Variants in ZNF292 observed in about 807,000 individuals in gnomAD.
ZNF292 encodes the protein 16 zinc-finger domain protein.
A neutral mutation model predicts 217.9 loss-of-function variants in ZNF292; 26 were observed. The ratio of observed to expected loss-of-function variants is 0.12; its 90% CI spans 0.09 to 0.17. ZNF292 has a LOEUF of 0.17. ZNF292 is among the 10% of genes least tolerant of loss of function. ZNF292 has a pLI of 1.00. For synonymous variants in ZNF292, 1,257 were observed against 1,124.1 expected, an observed-to-expected ratio of 1.12 and a Z score of -2.37; for missense variants, 2,904 against 3,175.2, an observed-to-expected ratio of 0.91 and a Z score of 2.05.
intron 7 of ZNF292, among the ~76,000 whole-genome samples, chr6:87,248,729 A>G (rs1319978459): frequency 3.3e-5 from 5 of 152,282 alleles, no homozygotes; most frequent in African/African-American, 1.2e-4. Flanking sequence ...CAAACTGGCT[A>G]TAAATCTTGA....
intron 1 of ZNF292, among the ~76,000 whole-genome samples, chr6:87,179,703 A>G (rs1179520357): frequency 6.6e-6 from 1 of 152,180 alleles, no homozygotes; most frequent in Non-Finnish European, 1.5e-5. Flanking sequence ...AATTTAATAT[A>G]CTTTTTTTCC....
At chr6:87,191,909 C>G (rs568927676) in intron 1 of ZNF292, among the ~76,000 whole-genome samples, 9 of 152,212 alleles carry the variant, frequency 5.9e-5, no homozygotes, top group African/African-American at 1.2e-4. Flanking sequence ...TGATCCACCC[C>G]CCTTGGCCTC....
In ZNF292 at chr6:87,255,882, C is replaced by A. The variant is rs984860692; in HGVS notation, c.2253C>A (p.Ile751=). Residue 751 remains isoleucine, a synonymous_variant, in exon 8 of 8, where the codon ATC becomes ATA. Transcript: ENST00000369577. The part of the protein sequence containing the change: ...LQMHCGSKPY[I]CIQMKCKAGF... Reference sequence around the variant, plus strand: ...TGCACTGTGGCAGTAAACCATATATCTGTATACAGATGAAATGTAAAGCTG... The same window carrying A: ...TGCACTGTGGCAGTAAACCATATATATGTATACAGATGAAATGTAAAGCTG... 6.2e-7 allele frequency: 1 copy of A among 1,613,788 alleles called. No individual in the cohort carries two copies. Among genetic ancestry groups the A allele is most frequent in the South Asian group, 1.1e-5 (1 of 91,066 alleles).
intron 4 of ZNF292, among the ~76,000 whole-genome samples, chr6:87,219,201 G>C (rs1582440931): frequency 6.6e-6 from 1 of 151,924 alleles, no homozygotes; most frequent in East Asian, 1.9e-4. Context: ...AGCTCAGCCT[G>C]GTATCCTATT....
intron 1 of ZNF292, among the ~76,000 whole-genome samples, chr6:87,206,635 A>G (rs1375040102): frequency 6.6e-6 from 1 of 152,150 alleles, no homozygotes; most frequent in East Asian, 1.9e-4. Context: ...ATATATTTAA[A>G]TTTCTCCATT....
intron 1 of ZNF292, among the ~76,000 whole-genome samples, chr6:87,160,063 T>C (rs1037845113): frequency 6.6e-6 from 1 of 152,222 alleles, no homozygotes; most frequent in East Asian, 1.9e-4. Flanking sequence ...ATTCAACATT[T>C]CTATTGAACA....
chr6:87,259,487 C>T lies in ZNF292; in HGVS notation c.5858C>T (p.Thr1953Ile), dbSNP rs2127870701. 1 of 1,589,122 alleles carries T rather than the reference C, an allele frequency of 6.3e-7. No individual in the cohort carries two copies. ...KFAPFKCVVP[T>I]CTKTFTRNSN... ...GCTCCCTTTAAATGTGTAGTACCTA[C>T]ATGTACAAAAACATTTACAAGAAAT... is the stretch of plus-strand genomic sequence containing the variant. The change falls in exon 8 of 8, where the codon ACA (threonine) becomes ATA (isoleucine). Residue 1953 changes from threonine to isoleucine, a missense_variant. This residue lies in a region of ZNF292 where 50 missense variants were observed against 90.5 expected (regional missense o/e 0.55). Coordinates refer to ENST00000369577, the MANE Select transcript of ZNF292 (RefSeq NM_015021.3).
chr6:87,244,013 G>A (rs1413798627), intron 6 of ZNF292, among the ~76,000 whole-genome samples: 1 of 151,646 alleles, frequency 6.6e-6, no homozygotes, highest in African/African-American at 2.4e-5. Context: ...AGAGATCTTG[G>A]TTTCAGTTAA....
chr6:87,189,393 A>T (rs189336658), intron 1 of ZNF292, among the ~76,000 whole-genome samples: 42 of 151,776 alleles, frequency 2.8e-4, no homozygotes, highest in African/African-American at 1.0e-3. Context: ...CAATATTCAT[A>T]TATTATTATT....
intron 1 of ZNF292, among the ~76,000 whole-genome samples, chr6:87,193,199 A>C (rs956587610): frequency 6.6e-6 from 1 of 152,062 alleles, no homozygotes; most frequent in African/African-American, 2.4e-5. Flanking sequence ...AAAATCTTAA[A>C]GTTTTTGAAC....
intron 1 of ZNF292, among the ~76,000 whole-genome samples, chr6:87,204,723 C>G (rs1405635864): frequency 6.6e-6 from 1 of 151,860 alleles, no homozygotes; most frequent in Non-Finnish European, 1.5e-5. Context: ...TCCACCATGC[C>G]CAGCTAATTT....
Position 87,175,249 on chromosome 6 carries a change from C to T in ZNF292, c.168+19490C>T, listed in dbSNP as rs111795989. ...CCTTAATTCTTTTTTTTCCCCTCAT[C>T]GTTATTGCCAGACTTCTTGGAAAGG... On this transcript the variant is annotated intron_variant, in intron 1 of 7. Transcript: ENST00000369577. 3.7e-3 allele frequency among the ~76,000 whole-genome samples: 556 copies of T among 152,254 alleles called. 2 individuals carry two copies. Among genetic ancestry groups the T allele is most frequent in the African/African-American group, 0.013 (534 of 41,542 alleles).
chr6:87,163,422 G>A (rs146738156), intron 1 of ZNF292, among the ~76,000 whole-genome samples: 1 of 151,860 alleles, frequency 6.6e-6, no homozygotes, highest in African/African-American at 2.4e-5. Context: ...CTGCACTCCA[G>A]CCTGGGTGAC....
intron 1 of ZNF292, among the ~76,000 whole-genome samples, chr6:87,194,443 A>G (rs1771901617): frequency 6.6e-6 from 1 of 152,228 alleles, no homozygotes; most frequent in African/African-American, 2.4e-5. Flanking sequence ...TAAATTCATA[A>G]GTAAGTTTAA....
intron 1 of ZNF292, among the ~76,000 whole-genome samples, chr6:87,197,540 G>A (rs1771985558): frequency 6.6e-6 from 1 of 150,868 alleles, no homozygotes; most frequent in African/African-American, 2.4e-5. Context: ...TTCGAGACCA[G>A]TCTGGCCAAC....
In ZNF292 at chr6:87,227,635, T is replaced by C. The variant is rs147606555; in HGVS notation, c.539-5690T>C. Among the ~76,000 whole-genome samples the C allele has an allele frequency of 9.9e-4, 150 of 152,266 alleles. 1 individual carries two copies. The highest frequency in any genetic ancestry group is 3.4e-3 in the African/African-American group (141 of 41,546). On this transcript the variant is annotated intron_variant, in intron 4 of 7. Coordinates refer to ENST00000369577, the MANE Select transcript of ZNF292 (RefSeq NM_015021.3). Reference sequence around the variant, plus strand: ...CAGCCCCTGTAACCACTACCCTACTTTTTGTTTCTATAATTTTGAGTACTT... The same window carrying C: ...CAGCCCCTGTAACCACTACCCTACTCTTTGTTTCTATAATTTTGAGTACTT...
intron 1 of ZNF292, among the ~76,000 whole-genome samples, chr6:87,174,717 G>A (rs1486505671): frequency 6.6e-6 from 1 of 151,938 alleles, no homozygotes; most frequent in Non-Finnish European, 1.5e-5. Flanking sequence ...ACGTACTAAG[G>A]CCCATTAAAC....
chr6:87,260,378 C>A lies in ZNF292; in HGVS notation c.6749C>A (p.Thr2250Lys). The change falls in exon 8 of 8, where the codon ACA (threonine) becomes AAA (lysine). Residue 2250 changes from threonine to lysine, a missense_variant. Coordinates refer to ENST00000369577, the MANE Select transcript of ZNF292 (RefSeq NM_015021.3). ...DHGIGLRASK[T>K]EEDGVYKCDC... ...GGGATTGGACTAAGGGCAAGTAAAA[C>A]AGAAGAAGATGGTGTATACAAATGT... is the stretch of plus-strand genomic sequence containing the variant. 1 of 1,613,472 alleles carries A rather than the reference C, an allele frequency of 6.2e-7. No individual in the cohort carries two copies. Among genetic ancestry groups the A allele is most frequent in the Non-Finnish European group, 8.5e-7 (1 of 1,179,614 alleles).
At chr6:87,202,906 T>C (rs1370458944) in intron 1 of ZNF292, among the ~76,000 whole-genome samples, 1 of 152,120 alleles carries the variant, frequency 6.6e-6, no homozygotes, top group Non-Finnish European at 1.5e-5. Flanking sequence ...TCTCTTACTG[T>C]GCCTAATTTA....
Sources: gnomAD v4.1 joint callset for allele counts (sites outside exome capture counted in the v4.1 genomes callset) on GRCh38, gnomAD v4.1.1 for gene constraint, gnomAD v4.1.1 regional missense constraint, MANE v1.5 for transcripts, NCBI Gene and HGNC (gene_info 2026-07-23, HGNC 2026-07-21) for gene names.